ENPP4: variants seen among roughly 807,000 people sequenced by gnomAD.
ENPP4 encodes bis(5'-adenosyl)-triphosphatase ENPP4.
In ENPP4, 18 loss-of-function variants were observed where a neutral mutation model predicts 33.4. That is an observed-to-expected ratio of 0.54 (90% confidence interval 0.37 to 0.80). ENPP4 has a LOEUF of 0.80. Ranked by LOEUF, ENPP4 falls within the 30% of genes least tolerant of loss-of-function variation. The probability of loss-of-function intolerance (pLI) is 0.00; values close to 1 mark genes in which losing one functional copy is unlikely to be tolerated. For synonymous variants in ENPP4, 172 were observed against 189.9 expected (o/e 0.91, Z 0.78); for missense variants, 480 against 541.7 (o/e 0.89, Z 1.13).
In ENPP4 at chr6:46,143,551, A is replaced by G; in HGVS notation, c.1273A>G (p.Ile425Val). 6.2e-7 allele frequency: 1 copy of G among 1,612,690 alleles called. No homozygotes were observed. The highest frequency in any genetic ancestry group is 8.5e-7 in the Non-Finnish European group (1 of 1,178,960). ...LLVLTMLTCL[I>V]IIMQNRLSVP... Reference sequence around the variant, plus strand: ...GGTGTTAACCATGCTAACATGCCTCATAATAATCATGCAGAATAGACTTTC... The same window carrying G: ...GGTGTTAACCATGCTAACATGCCTCGTAATAATCATGCAGAATAGACTTTC... The change falls in exon 4 of 4, where the codon ATA (isoleucine) becomes GTA (valine). Residue 425 changes from isoleucine (I) to valine (V), a missense_variant. Ile to Val is a conservative substitution (Grantham distance 29, BLOSUM62 3). Around this residue, in one of 3 missense-constraint regions of ENPP4, gnomAD observed 249 missense variants for 251.8 expected, o/e 0.99. Coordinates refer to ENST00000321037, the MANE Select transcript of ENPP4 (RefSeq NM_014936.5).
intron 2 of ENPP4, among the ~76,000 whole-genome samples, chr6:46,140,833 G>A (rs537510095): frequency 3.3e-5 from 5 of 151,668 alleles, no homozygotes; most frequent in Non-Finnish European, 5.9e-5. Context: ...AGTCCACCAT[G>A]GTAATCCACA....
chr6:46,136,117 C>G (rs1194471922), intron 1 of ENPP4, among the ~76,000 whole-genome samples: 1 of 151,888 alleles, frequency 6.6e-6, no homozygotes, highest in East Asian at 1.9e-4. Context: ...ACTGTGCCAC[C>G]TATTTGCTGA....
At position 46,140,227 on chromosome 6, in the gene ENPP4, G is replaced by A. The variant is rs1461992688; in HGVS notation, c.644G>A (p.Gly215Asp). Reference sequence around the variant, plus strand: ...TTGAAAAAAATAGATGATCTTATCGGTGACTTAGTCCAAAGACTCAAGATG... The same window carrying A: ...TTGAAAAAAATAGATGATCTTATCGATGACTTAGTCCAAAGACTCAAGATG... ...RVLKKIDDLI[G>D]DLVQRLKMLG... is the part of the protein sequence containing the mutation. The change falls in exon 2 of 4, where the codon GGT (glycine) becomes GAT (aspartate). Residue 215 changes from glycine (G) to aspartate (D), a missense_variant. Physicochemically the swap from Gly to Asp is moderately conservative, Grantham distance 94. Coordinates refer to ENST00000321037, the MANE Select transcript of ENPP4 (RefSeq NM_014936.5). 5 of 1,612,622 alleles carry A rather than the reference G, an allele frequency of 3.1e-6. No homozygotes were observed. Among genetic ancestry groups the A allele is most frequent in the Non-Finnish European group, 4.2e-6 (5 of 1,179,074 alleles).
At position 46,141,032 on chromosome 6, in the gene ENPP4, T is replaced by C. The variant is rs1377595432; in HGVS notation, c.827-20T>C. The C allele has an allele frequency of 6.5e-7, 1 of 1,527,356 alleles. No homozygotes were observed. The highest frequency in any genetic ancestry group is 2.3e-5 in the East Asian group (1 of 44,014). 94.6% of individuals were successfully genotyped at this position (1,527,356 alleles called of 1,614,324 possible). On this transcript the variant is annotated intron_variant, in intron 2 of 3. Coordinates refer to ENST00000321037, the MANE Select transcript of ENPP4 (RefSeq NM_014936.5). ...ATCAATCATAACTTGTTTCCTTTGC[T>C]GTTTCTTTTTTTTTCTCAGATAGAA... is the stretch of plus-strand genomic sequence containing the variant.
At chr6:46,141,751 G>C (rs1172172526) in intron 3 of ENPP4, among the ~76,000 whole-genome samples, 2 of 151,610 alleles carry the variant, frequency 1.3e-5, no homozygotes, top group African/African-American at 4.8e-5. Flanking sequence ...AAATGTATAG[G>C]GGTGAGTTAC....
At chr6:46,138,591 C>T (rs1764009556) in intron 1 of ENPP4, among the ~76,000 whole-genome samples, 1 of 151,818 alleles carries the variant, frequency 6.6e-6, no homozygotes, top group African/African-American at 2.4e-5. Flanking sequence ...CTCTTCACCT[C>T]CAGCCCTCAA....
At chr6:46,141,868 T>C (rs1160324923) in intron 3 of ENPP4, among the ~76,000 whole-genome samples, 4 of 151,650 alleles carry the variant, frequency 2.6e-5, no homozygotes, top group African/African-American at 9.7e-5. Context: ...CAAACTTTTT[T>C]AGTAAAGGGC....
At position 46,143,509 on chromosome 6, in the gene ENPP4, G is replaced by A; in HGVS notation, c.1231G>A (p.Val411Ile). 6.2e-7 allele frequency: 1 copy of A among 1,612,826 alleles called. No homozygotes were observed. The highest frequency in any genetic ancestry group is 8.5e-7 in the Non-Finnish European group (1 of 1,179,102). Residue 411 changes from valine (V) to isoleucine (I), a missense_variant, in exon 4 of 4, where the codon GTT becomes ATT. Physicochemically the swap from Val to Ile is conservative, Grantham distance 29 (BLOSUM62 3). Transcript: ENST00000321037. ...CINLPEAIAI[V>I]IGSLLVLTML... The stretch of plus-strand genomic sequence containing the variant: ...TAATCTCCCAGAAGCCATCGCGATT[G>A]TTATCGGTTCACTCTTGGTGTTAAC...
At chr6:46,130,796 T>G (rs1377256375) in intron 1 of ENPP4, among the ~76,000 whole-genome samples, 1 of 152,198 alleles carries the variant, frequency 6.6e-6, no homozygotes, top group Non-Finnish European at 1.5e-5. Flanking sequence ...ATTTTACAGA[T>G]GACGAAAGTC....
chr6:46,140,878 G>A (rs1764050476), intron 2 of ENPP4, among the ~76,000 whole-genome samples, 174 bp from the exon 3 acceptor site: 1 of 151,620 alleles, frequency 6.6e-6, no homozygotes. Context: ...TGAGAAAGGT[G>A]TGTGTTTGTG....
chr6:46,131,787 G>C (rs1234906815), intron 1 of ENPP4, among the ~76,000 whole-genome samples: 2 of 151,960 alleles, frequency 1.3e-5, no homozygotes, highest in African/African-American at 4.8e-5. Flanking sequence ...GTGTAAAAGT[G>C]TTCCTATTTC....
chr6:46,143,695 A>T lies in ENPP4; in HGVS notation c.*55A>T. The T allele has an allele frequency of 6.8e-7, 1 of 1,474,576 alleles. No homozygotes were observed. The highest frequency in any genetic ancestry group is 9.2e-7 in the Non-Finnish European group (1 of 1,084,950). The allele number at this position is 1,474,576 out of a possible 1,614,324, so 91.3% of individuals were successfully genotyped here. On this transcript the variant is annotated 3_prime_UTR_variant, in exon 4 of 4. Transcript: ENST00000321037. The stretch of plus-strand genomic sequence containing the variant: ...TGATTAATCACAAAACTAAGAATAC[A>T]TCCAAAGAATAGTGTTGTAACTATG...
chr6:46,142,909 A>G (rs1205678435), intron 3 of ENPP4, among the ~76,000 whole-genome samples: 1 of 151,760 alleles, frequency 6.6e-6, no homozygotes, highest in Non-Finnish European at 1.5e-5. Flanking sequence ...TCCCAGTTAC[A>G]CAGAACCCTC....
Position 46,140,233 on chromosome 6 carries a change from T to G in ENPP4, c.650T>G (p.Leu217Ter), listed in dbSNP as rs1764037707. Reference protein sequence around the residue: ...LKKIDDLIGDLVQRLKMLGLW... With the variant: ...LKKIDDLIGD ...AAAATAGATGATCTTATCGGTGACT[T>G]AGTCCAAAGACTCAAGATGTTAGGG... Residue 217 changes from leucine (L) to a stop codon, truncating the protein, a stop_gained, in exon 2 of 4, where the codon TTA (leucine) becomes TGA (stop). Coordinates refer to ENST00000321037, the MANE Select transcript of ENPP4 (RefSeq NM_014936.5). LOFTEE classifies it high-confidence loss of function. 1 of 1,612,528 alleles carries G rather than the reference T, an allele frequency of 6.2e-7. No homozygotes were observed. Among genetic ancestry groups the G allele is most frequent in the Non-Finnish European group, 8.5e-7 (1 of 1,179,080 alleles).
intron 1 of ENPP4, among the ~76,000 whole-genome samples, chr6:46,138,535 T>C (rs536450392): frequency 2.0e-5 from 3 of 151,904 alleles, no homozygotes; most frequent in East Asian, 3.9e-4. Context: ...TCTGAACCTT[T>C]TACCATTCTA....
rs950885981 is a variant in ENPP4, at chr6:46,146,360, CCTT to C, written c.*2724_*2726del. On this transcript the variant is annotated 3_prime_UTR_variant, in exon 4 of 4. Transcript: ENST00000321037. Reference sequence around the variant, plus strand: ...GTTTTTACATTGTTTTTGGGTGTCTCCTTCTTGTGCCCATATCTGATAAGCTTT... The same window carrying C: ...GTTTTTACATTGTTTTTGGGTGTCTCCTTGTGCCCATATCTGATAAGCTTT... The C allele has an allele frequency of 1.3e-5, 2 of 152,188 alleles. No individual in the cohort carries two copies. The allele number at this position is 152,188 out of a possible 1,614,324, so 9.4% of individuals were successfully genotyped here. A position where few individuals can be genotyped will look rare whatever the true frequency, so the allele number is the denominator to read the frequency against.
Position 46,145,209 on chromosome 6 carries a change from C to T in ENPP4, c.*1569C>T. On this transcript the variant is annotated 3_prime_UTR_variant, in exon 4 of 4. Coordinates refer to ENST00000321037, the MANE Select transcript of ENPP4 (RefSeq NM_014936.5). Reference sequence around the variant, plus strand: ...GTGATGGTAAAGAACAACAGTGGTGCCAGTCATCAAACATACAGTGCGTCC... The same window carrying T: ...GTGATGGTAAAGAACAACAGTGGTGTCAGTCATCAAACATACAGTGCGTCC... The T allele has an allele frequency of 3.1e-6, 1 of 325,812 alleles. No homozygotes were observed. The highest frequency in any genetic ancestry group is 4.5e-5 in the East Asian group (1 of 22,306). The allele number at this position is 325,812 out of a possible 1,614,324, so 20.2% of individuals were successfully genotyped here. A position where few individuals can be genotyped will look rare whatever the true frequency, so the allele number is the denominator to read the frequency against.
intron 1 of ENPP4, among the ~76,000 whole-genome samples, chr6:46,131,016 A>C (rs1211756768): frequency 2.0e-5 from 3 of 152,178 alleles, no homozygotes; most frequent in Non-Finnish European, 4.4e-5. Context: ...TTTTCCCCTC[A>C]GAGATTGTTT....
chr6:46,132,510 C>G (rs971863491), intron 1 of ENPP4, among the ~76,000 whole-genome samples: 9 of 152,106 alleles, frequency 5.9e-5, no homozygotes, highest in South Asian at 2.1e-4. Flanking sequence ...TTCCATTGAT[C>G]TATATCTCTG....
Sources: gnomAD v4.1 joint callset for allele counts (sites outside exome capture counted in the v4.1 genomes callset) on GRCh38, gnomAD v4.1.1 for gene constraint, gnomAD v4.1.1 regional missense constraint, MANE v1.5 for transcripts, NCBI Gene and HGNC (gene_info 2026-07-23, HGNC 2026-07-21) for gene names.